MIR2052HG: variants seen among roughly 807,000 people sequenced by gnomAD.
MIR2052HG encodes the protein MIR2052 host gene.
At chr8:74,717,878 AAAAT>A (rs1385368001) in intron 4 of MIR2052HG, among the ~76,000 whole-genome samples, 2 of 152,138 alleles carry the variant, frequency 1.3e-5, no homozygotes, top group Non-Finnish European at 2.9e-5. Context: ...TTAAATTACA[AAAAT>A]AAATAAAAAT....
chr8:74,622,319 G>A (rs1808373157), intron 2 of MIR2052HG, among the ~76,000 whole-genome samples: 3 of 152,180 alleles, frequency 2.0e-5, no homozygotes, highest in African/African-American at 7.2e-5. Flanking sequence ...GAAAAAAAAT[G>A]TTGGCTGGGT....
intron 1 of MIR2052HG, chr8:74,603,625 T>C: frequency 6.9e-7 from 1 of 1,458,698 alleles, no homozygotes; most frequent in Non-Finnish European, 9.6e-7. Flanking sequence ...CATGGTCAAA[T>C]CTGGCTGTGG....
intron 1 of MIR2052HG, among the ~76,000 whole-genome samples, chr8:74,606,342 A>G (rs941659939): frequency 6.6e-6 from 1 of 152,090 alleles, no homozygotes; most frequent in Non-Finnish European, 1.5e-5. Flanking sequence ...TCTCTTAGCT[A>G]AGGGAGAGTC....
intron 2 of MIR2052HG, among the ~76,000 whole-genome samples, chr8:74,636,616 T>C (rs762356006): frequency 3.9e-5 from 6 of 152,158 alleles, no homozygotes; most frequent in Non-Finnish European, 7.3e-5. Flanking sequence ...TCTTTCACCA[T>C]TTTATGGCTC....
intron 1 of MIR2052HG, among the ~76,000 whole-genome samples, chr8:74,606,813 TTAAAA>T (rs61156688): frequency 0.57 from 86,088 of 151,126 alleles, 24,719 homozygotes; most frequent in Middle Eastern, 0.69. Context: ...ACCCCTGAAC[TTAAAA>T]TAAAAGTTTT....
chr8:74,730,837 T>G (rs1809684231), intron 4 of MIR2052HG, among the ~76,000 whole-genome samples: 1 of 152,162 alleles, frequency 6.6e-6, no homozygotes, highest in Admixed American at 6.5e-5. Context: ...ATTTGTTTAC[T>G]TAAATAATTT....
intron 2 of MIR2052HG, among the ~76,000 whole-genome samples, chr8:74,657,812 C>A (rs1471345834): frequency 6.6e-6 from 1 of 152,142 alleles, no homozygotes; most frequent in Non-Finnish European, 1.5e-5. Context: ...GACTCTCCCA[C>A]AACATGTAGG....
At chr8:74,749,908 T>C (rs1038700997) in intron 4 of MIR2052HG, among the ~76,000 whole-genome samples, 2 of 151,788 alleles carry the variant, frequency 1.3e-5, no homozygotes, top group African/African-American at 2.4e-5. Flanking sequence ...GACATACATT[T>C]TGAGACATTT....
chr8:74,696,041 G>C (rs912686066), intron 2 of MIR2052HG, among the ~76,000 whole-genome samples: 1 of 152,056 alleles, frequency 6.6e-6, no homozygotes, highest in African/African-American at 2.4e-5. Context: ...TCAGCATATG[G>C]AACATTCTCC....
At chr8:74,636,093 T>C (rs1808578472) in intron 2 of MIR2052HG, among the ~76,000 whole-genome samples, 1 of 152,164 alleles carries the variant, frequency 6.6e-6, no homozygotes, top group Admixed American at 6.5e-5. Flanking sequence ...CTTTTTTCTT[T>C]CCATGAGGGG....
chr8:74,713,310 C>G (rs970832756), intron 4 of MIR2052HG, among the ~76,000 whole-genome samples: 1 of 152,106 alleles, frequency 6.6e-6, no homozygotes, highest in African/African-American at 2.4e-5. Flanking sequence ...TTATGTGGCC[C>G]CTTCCACTCT....
intron 4 of MIR2052HG, among the ~76,000 whole-genome samples, chr8:74,709,428 C>A (rs1201052432): frequency 6.6e-6 from 1 of 151,860 alleles, no homozygotes; most frequent in African/African-American, 2.4e-5. Flanking sequence ...CAACATCAGA[C>A]CTTTTTTTTT....
chr8:74,678,995 A>C (rs1040321048), intron 2 of MIR2052HG, among the ~76,000 whole-genome samples: 1 of 152,214 alleles, frequency 6.6e-6, no homozygotes, highest in Non-Finnish European at 1.5e-5. Flanking sequence ...ATAAAGTTCA[A>C]CATTCCATCC....
intron 2 of MIR2052HG, among the ~76,000 whole-genome samples, chr8:74,700,217 C>T (rs1054196047): frequency 1.3e-5 from 2 of 152,080 alleles, no homozygotes; most frequent in Non-Finnish European, 2.9e-5. Flanking sequence ...TGTGTGCATA[C>T]GTATTATACA....
At chr8:74,736,838 G>A (rs1809748823) in intron 4 of MIR2052HG, among the ~76,000 whole-genome samples, 1 of 152,172 alleles carries the variant, frequency 6.6e-6, no homozygotes, top group East Asian at 1.9e-4. Flanking sequence ...CACTGTCAGA[G>A]GCTGCATAGG....
intron 2 of MIR2052HG, among the ~76,000 whole-genome samples, chr8:74,676,792 G>A (rs1446045429): frequency 6.6e-6 from 1 of 151,926 alleles, no homozygotes; most frequent in Non-Finnish European, 1.5e-5. Flanking sequence ...TAGATTCCAA[G>A]TGTACTTACA....
At chr8:74,650,478 C>G (rs936884863) in intron 2 of MIR2052HG, among the ~76,000 whole-genome samples, 2 of 152,018 alleles carry the variant, frequency 1.3e-5, no homozygotes, top group Non-Finnish European at 2.9e-5. Context: ...CAGTGTTTAG[C>G]TATCTTGAAT....
chr8:74,603,860 C>A (rs1808064397), intron 1 of MIR2052HG: 4 of 935,314 alleles, frequency 4.3e-6, no homozygotes, highest in African/African-American at 1.6e-5. Flanking sequence ...TAGACCTGAG[C>A]CCCTGTACTC....
intron 4 of MIR2052HG, among the ~76,000 whole-genome samples, chr8:74,731,105 G>A (rs538019629): frequency 1.3e-4 from 20 of 152,272 alleles, no homozygotes; most frequent in Admixed American, 1.3e-3. Flanking sequence ...TCCAGCCTCT[G>A]TCATTGACTA....
Sources: allele counts gnomAD v4.1 joint callset (sites outside exome capture counted in the v4.1 genomes callset), GRCh38; gene constraint gnomAD v4.1.1; transcripts MANE v1.5; gene names NCBI Gene and HGNC (gene_info 2026-07-23, HGNC 2026-07-21).